The following GNAT3 variants were observed in gnomAD, a reference collection of about 807,000 sequenced individuals.
GNAT3 encodes guanine nucleotide-binding protein G(t) subunit alpha-3.
GNAT3 carries 31 observed loss-of-function variants against 37.7 expected under a neutral mutation model. The ratio of observed to expected loss-of-function variants is 0.82; its 90% confidence interval spans 0.62 to 1.11. The LOEUF is 1.11. Among genes scored for constraint, GNAT3 ranks in the 50% most tolerant of loss-of-function variants. The pLI, the probability that GNAT3 is intolerant of heterozygous loss-of-function variation, is 0.00. For missense variants in GNAT3, 437 were observed against 412.5 expected (o/e 1.06, Z -0.51); for synonymous variants, 138 against 139.8 (o/e 0.99, Z 0.09).
chr7:80,485,203 G>A (rs1790456625), intron 3 of GNAT3, among the ~76,000 whole-genome samples: 1 of 149,744 alleles, frequency 6.7e-6, no homozygotes, highest in African/African-American at 2.4e-5. Context: ...CCTAGACTCT[G>A]TTATCCCTAA....
At chr7:80,479,524 A>C (rs2116172490) in intron 3 of GNAT3, among the ~76,000 whole-genome samples, 1 of 152,112 alleles carries the variant, frequency 6.6e-6, no homozygotes, top group Non-Finnish European at 1.5e-5. Context: ...GTCTGAGACC[A>C]GCCTGGGCAA....
intron 1 of GNAT3, among the ~76,000 whole-genome samples, chr7:80,499,578 G>A (rs1291163886): frequency 6.6e-6 from 1 of 152,100 alleles, no homozygotes; most frequent in Non-Finnish European, 1.5e-5. Flanking sequence ...GAGGCATACT[G>A]GTATTGCTGT....
intron 1 of GNAT3, among the ~76,000 whole-genome samples, chr7:80,505,575 C>G (rs1200620927): frequency 6.6e-6 from 1 of 152,084 alleles, no homozygotes; most frequent in Non-Finnish European, 1.5e-5. Flanking sequence ...ACCGTGTTAG[C>G]CAGGATGGTC....
At chr7:80,466,615 T>C (rs541188468) in intron 5 of GNAT3, among the ~76,000 whole-genome samples, 125 of 152,164 alleles carry the variant, frequency 8.2e-4, no homozygotes, top group African/African-American at 2.9e-3. Flanking sequence ...GTGGGTTCTA[T>C]GGGGGACATA....
intron 5 of GNAT3, 139 bp downstream of exon 5, chr7:80,474,112 G>A (rs551816934): frequency 1.5e-5 from 11 of 728,240 alleles, no homozygotes; most frequent in South Asian, 6.5e-5. Flanking sequence ...AAAGGACAGC[G>A]GTACTGAAGG....
At chr7:80,494,206 A>G (rs935198686) in intron 2 of GNAT3, among the ~76,000 whole-genome samples, 19 of 152,210 alleles carry the variant, frequency 1.2e-4, no homozygotes, top group Non-Finnish European at 2.4e-4. Context: ...ATAGTAATTA[A>G]GCATTTTATT....
At chr7:80,494,875 A>ACCTC (rs1319701910) in intron 1 of GNAT3, among the ~76,000 whole-genome samples, 1 of 151,916 alleles carries the variant, frequency 6.6e-6, no homozygotes, top group Non-Finnish European at 1.5e-5. Context: ...TTCATTCCTC[A>ACCTC]CCTCCCTCTC....
chr7:80,460,605 G>A (rs1216300949), intron 7 of GNAT3, among the ~76,000 whole-genome samples: 12 of 152,074 alleles, frequency 7.9e-5, no homozygotes, highest in South Asian at 2.1e-4. Flanking sequence ...ATAATTAGCC[G>A]GGCGTGGTGG....
At chr7:80,489,828 C>T (rs1269931624) in intron 2 of GNAT3, among the ~76,000 whole-genome samples, 3 of 152,074 alleles carry the variant, frequency 2.0e-5, no homozygotes, top group Non-Finnish European at 4.4e-5. Flanking sequence ...TCCCAGTTTT[C>T]TGTCAAATTG....
At chr7:80,483,635 C>G (rs540545042) in intron 3 of GNAT3, among the ~76,000 whole-genome samples, 28 of 152,170 alleles carry the variant, frequency 1.8e-4, no homozygotes, top group African/African-American at 6.0e-4. Context: ...TTCTCCCTTT[C>G]TCTCCCTGCC....
chr7:80,481,466 G>A (rs559465298), intron 3 of GNAT3, among the ~76,000 whole-genome samples: 2 of 152,216 alleles, frequency 1.3e-5, no homozygotes, highest in South Asian at 4.1e-4. Flanking sequence ...TCTTAGGACT[G>A]ATAAAACAGA....
intron 3 of GNAT3, among the ~76,000 whole-genome samples, chr7:80,482,228 TTC>T (rs1790402701): frequency 6.6e-6 from 1 of 152,146 alleles, no homozygotes; most frequent in Non-Finnish European, 1.5e-5. Context: ...AAAACCCCAT[TTC>T]TCTGTTAAAT....
chr7:80,494,726 T>C, intron 1 of GNAT3, 79 bp from the exon 2 acceptor site: 1 of 843,744 alleles, frequency 1.2e-6, no homozygotes, highest in Non-Finnish European at 1.9e-6. Context: ...TTTTCATGGA[T>C]AATCTTTAAT....
intron 3 of GNAT3, among the ~76,000 whole-genome samples, chr7:80,485,830 T>A (rs1790469019): frequency 6.6e-6 from 1 of 152,280 alleles, no homozygotes; most frequent in African/African-American, 2.4e-5. Context: ...TGTTTTTGCT[T>A]CCTTCTTTAA....
Position 80,474,349 on chromosome 7 carries a change from T to C in GNAT3, c.492A>G (p.Ala164=). ...CTTGTTCATTTGGCACATACCCAGA[T>C]GCTGTTATTCTATCTAAATCATTAA... The part of the protein sequence containing the change: ...YYLNDLDRIT[A]SGYVPNEQDV... The change falls in exon 5 of 8, where the codon GCA becomes GCG. Residue 164 remains alanine (A), a synonymous_variant. Transcript: ENST00000398291. 1.3e-6 allele frequency: 2 copies of C among 1,554,148 alleles called. No individual in the cohort carries two copies. The highest frequency in any genetic ancestry group is 1.7e-6 in the Non-Finnish European group (2 of 1,145,846).
chr7:80,470,835 T>G (rs1321384795), intron 5 of GNAT3, among the ~76,000 whole-genome samples: 1 of 151,998 alleles, frequency 6.6e-6, no homozygotes, highest in Non-Finnish European at 1.5e-5. Context: ...TAAACATTAA[T>G]GCAAATGTTA....
chr7:80,509,195 A>G (rs1032010056), intron 1 of GNAT3, among the ~76,000 whole-genome samples: 2 of 152,118 alleles, frequency 1.3e-5, no homozygotes, highest in Admixed American at 6.6e-5. Flanking sequence ...TATAAAAATT[A>G]CAGTTTCGAG....
At chr7:80,502,763 CA>C (rs1367578885) in intron 1 of GNAT3, among the ~76,000 whole-genome samples, 5 of 151,786 alleles carry the variant, frequency 3.3e-5, no homozygotes, top group Non-Finnish European at 7.4e-5. Context: ...CCCTTTTCCC[CA>C]GCCTCATATT....
chr7:80,478,889 G>C lies in GNAT3; in HGVS notation c.413C>G (p.Ala138Gly), dbSNP rs1407092324. The change falls in exon 4 of 8, where the codon GCC (alanine) becomes GGC (glycine). Residue 138 changes from alanine to glycine, a missense_variant. By Grantham distance (60) the Ala-to-Gly change is moderately conservative. Transcript: ENST00000398291. ...ATATTCAGATGCCCTTTCAAAGCAG[G>C]CCTGAATTCCTGGATCTCTCCACAG... ...KRLWRDPGIQ[A>G]CFERASEYQL... is the part of the protein sequence containing the mutation. The C allele has an allele frequency of 1.2e-6, 2 of 1,613,322 alleles. No homozygotes were observed. The highest frequency in any genetic ancestry group is 1.7e-6 in the Non-Finnish European group (2 of 1,179,518).
Sources: gnomAD v4.1 joint callset for allele counts (sites outside exome capture counted in the v4.1 genomes callset) on GRCh38, gnomAD v4.1.1 for gene constraint, MANE v1.5 for transcripts, NCBI Gene and HGNC (gene_info 2026-07-23, HGNC 2026-07-21) for gene names.